Variants in STOX2 observed in about 807,000 individuals in gnomAD.
The protein encoded by STOX2 is storkhead box 2, also known as storkhead-box protein 2.
In STOX2, 28 loss-of-function variants were observed where a neutral mutation model predicts 60.9. The observed-to-expected ratio is 0.46, with a 90% CI of 0.34 to 0.63. STOX2 has a LOEUF of 0.63. Ranked by LOEUF, STOX2 falls within the 30% of genes least tolerant of loss-of-function variation. STOX2 has a pLI of 0.01. For missense variants in STOX2, 1,024 were observed against 1,187.7 expected, an observed-to-expected ratio of 0.86 and a Z score of 2.03; for synonymous variants, 472 against 463.9, an observed-to-expected ratio of 1.02 and a Z score of -0.22.
chr4:183,982,423 A>G (rs952476303), intron 1 of STOX2, among the ~76,000 whole-genome samples: 1 of 152,254 alleles, frequency 6.6e-6, no homozygotes, highest in African/African-American at 2.4e-5. Context: ...ATCCTGGGCT[A>G]TAAAGGCCCT....
intron 1 of STOX2, among the ~76,000 whole-genome samples, chr4:183,948,109 T>C (rs1742948881): frequency 6.7e-6 from 1 of 148,228 alleles, no homozygotes; most frequent in Non-Finnish European, 1.5e-5. Flanking sequence ...TCCCAGCTAG[T>C]CAGGAGGCTG....
chr4:183,982,341 G>A (rs892746928), intron 1 of STOX2, among the ~76,000 whole-genome samples: 10 of 152,120 alleles, frequency 6.6e-5, no homozygotes, highest in Non-Finnish European at 1.0e-4. Context: ...AAAGTATTTC[G>A]TTTCCTTACA....
At chr4:183,901,564 T>TTA (rs1741460252), upstream of STOX2, among the ~76,000 whole-genome samples, 1 of 151,670 alleles carries the variant, frequency 6.6e-6, no homozygotes, top group Non-Finnish European at 1.5e-5. Context: ...CTCCACATAA[T>TTA]TGCCAATGTT....
intron 1 of STOX2, among the ~76,000 whole-genome samples, chr4:183,898,560 C>G (rs990933265): frequency 6.6e-5 from 10 of 151,850 alleles, no homozygotes; most frequent in African/African-American, 2.4e-4. Flanking sequence ...CACTTGCAAG[C>G]GCTGAAATAA....
In STOX2 at chr4:183,806,910, C is replaced by T. The variant is rs1738903779; in HGVS notation, c.364+8855C>T. Reference sequence around the variant, plus strand: ...CGCATGCACTGCCCCCACGGCCCCACAGCTCGAAGCCCCCATGCCTGGAGG... The same window carrying T: ...CGCATGCACTGCCCCCACGGCCCCATAGCTCGAAGCCCCCATGCCTGGAGG... On this transcript the variant is annotated intron_variant, in intron 1 of 2. Coordinates refer to the STOX2 transcript ENST00000513034. The surrounding 1 kb of genome is among the most constrained non-coding windows in gnomAD (Gnocchi z 4.1). 6.6e-6 allele frequency among the ~76,000 whole-genome samples: 1 copy of T among 152,144 alleles called. No individual in the cohort carries two copies. The highest frequency in any genetic ancestry group is 6.5e-5 in the Admixed American group (1 of 15,276).
intron 1 of STOX2, among the ~76,000 whole-genome samples, chr4:183,859,869 A>C (rs1474163391): frequency 6.6e-6 from 1 of 152,112 alleles, no homozygotes; most frequent in East Asian, 1.9e-4. Flanking sequence ...TCCTTGTCAC[A>C]ATATTCTGTA....
intron 1 of STOX2, among the ~76,000 whole-genome samples, chr4:183,965,366 G>A (rs1743535518): frequency 1.3e-5 from 2 of 152,180 alleles, no homozygotes; most frequent in Admixed American, 6.5e-5. Flanking sequence ...ATAGAGTACT[G>A]GCCGTGCAGA....
chr4:183,955,773 A>G (rs1472587916), intron 1 of STOX2, among the ~76,000 whole-genome samples: 1 of 146,510 alleles, frequency 6.8e-6, no homozygotes, highest in South Asian at 2.1e-4. Context: ...TTTTTTTTCT[A>G]GTTTTTGCTT....
upstream of STOX2, among the ~76,000 whole-genome samples, chr4:183,900,920 C>T (rs1741446166): frequency 1.3e-5 from 2 of 152,052 alleles, no homozygotes; most frequent in South Asian, 4.2e-4. Flanking sequence ...CCATCTTAAT[C>T]ATTTTTAAGT....
At chr4:183,958,399 A>C (rs11938281) in intron 1 of STOX2, among the ~76,000 whole-genome samples, 45,741 of 152,016 alleles carry the variant, frequency 0.3, 7,244 homozygotes, top group Middle Eastern at 0.36. Flanking sequence ...CCATATATAT[A>C]AAATAGTAAT....
Position 183,913,715 on chromosome 4 carries a change from G to T in STOX2, c.166+6759G>T, listed in dbSNP as rs896180922. Among the ~76,000 whole-genome samples the T allele has an allele frequency of 3.3e-5, 5 of 152,094 alleles. No homozygotes were observed. In the East Asian group the frequency reaches 9.7e-4, roughly 29 times the overall value. On this transcript the variant is annotated intron_variant, in intron 1 of 3. Transcript: ENST00000308497. ...GAACCCTGGAGGTGGAGGTTGCAGTGAGCTGAGATCGCCTCACTGCACTCC... is the reference window on the plus strand; with the variant it reads ...GAACCCTGGAGGTGGAGGTTGCAGTTAGCTGAGATCGCCTCACTGCACTCC...
chr4:183,845,049 T>A (rs1404014594), intron 1 of STOX2, among the ~76,000 whole-genome samples: 1 of 152,224 alleles, frequency 6.6e-6, no homozygotes, highest in Non-Finnish European at 1.5e-5. Flanking sequence ...TTCCTTAGAT[T>A]CCCAATCAGG....
intron 1 of STOX2, among the ~76,000 whole-genome samples, chr4:183,863,047 C>T (rs1026856981): frequency 3.3e-5 from 5 of 152,154 alleles, no homozygotes; most frequent in South Asian, 2.1e-4. Flanking sequence ...CAGGATCTTC[C>T]GACCTAAGAA....
chr4:184,000,343 T>C (rs1440802381), intron 1 of STOX2, among the ~76,000 whole-genome samples: 1 of 152,222 alleles, frequency 6.6e-6, no homozygotes, highest in Non-Finnish European at 1.5e-5. Flanking sequence ...ACCCCTCCGA[T>C]GCAGGGTCTT....
At chr4:183,891,054 G>T (rs927814611) in intron 1 of STOX2, among the ~76,000 whole-genome samples, 2 of 151,978 alleles carry the variant, frequency 1.3e-5, no homozygotes, top group African/African-American at 4.8e-5. Flanking sequence ...AGGCTGCAGT[G>T]AGCCATGAGC....
intron 1 of STOX2, among the ~76,000 whole-genome samples, chr4:183,817,019 T>G (rs1404584517): frequency 6.6e-6 from 1 of 152,214 alleles, no homozygotes; most frequent in African/African-American, 2.4e-5. Context: ...ATTTTTGCTG[T>G]GAGCTCTGAT....
chr4:184,006,629 AGTGAG>A (rs2111236965), intron 2 of STOX2, among the ~76,000 whole-genome samples: 1 of 139,486 alleles, frequency 7.2e-6, no homozygotes, highest in African/African-American at 2.7e-5. Flanking sequence ...TTGAGGCTGC[AGTGAG>A]CTGAGATCTT....
At position 184,022,475 on chromosome 4, in the gene STOX2, G is replaced by A. The variant is rs185953669; in HGVS notation, c.*5191G>A. On this transcript the variant is annotated 3_prime_UTR_variant, in exon 4 of 4. Transcript: ENST00000308497. Reference sequence around the variant, plus strand: ...TCAAGGGGGAACTAAACTTTCTTACGATTGTACATGATCAGTTATAGGGCT... The same window carrying A: ...TCAAGGGGGAACTAAACTTTCTTACAATTGTACATGATCAGTTATAGGGCT... 13 of 152,126 alleles carry A rather than the reference G, an allele frequency of 8.5e-5. No individual in the cohort carries two copies. In the East Asian group the frequency reaches 1.9e-3, roughly 23 times the overall value. The allele number at this position is 152,126 out of a possible 1,614,324, so 9.4% of individuals were successfully genotyped here.
rs544531735 is a variant in STOX2, at chr4:183,969,564, C to T, written c.167-31761C>T. ...ATTATAGGTGTGAGCTACCATACCC[C>T]GCTAGATTTCTGCTTATTCATAATC... On this transcript the variant is annotated intron_variant, in intron 1 of 3. Transcript: ENST00000308497. Among the ~76,000 whole-genome samples, 9 of 152,188 alleles carry T rather than the reference C, an allele frequency of 5.9e-5. No individual in the cohort carries two copies. The South Asian group carries it at 6.2e-4, about 11-fold the overall frequency.
Sources: gnomAD v4.1 joint callset for allele counts (sites outside exome capture counted in the v4.1 genomes callset) on GRCh38, gnomAD v4.1.1 for gene constraint, Gnocchi (gnomAD v3.1) non-coding constraint, MANE v1.5 for transcripts, NCBI Gene and HGNC (gene_info 2026-07-23, HGNC 2026-07-21) for gene names.